The following LPCAT4 variants were observed in gnomAD, a reference collection of about 807,000 sequenced individuals.
The protein encoded by LPCAT4 is lysophosphatidylcholine acyltransferase 4.
A neutral mutation model predicts 66.5 loss-of-function variants in LPCAT4; 30 were observed. The observed-to-expected ratio is 0.45, with a 90% CI of 0.34 to 0.61. The LOEUF (loss-of-function observed/expected upper bound fraction) is 0.61. LPCAT4 is among the 20% of genes least tolerant of loss of function. The pLI, the probability that LPCAT4 is intolerant of heterozygous loss-of-function variation, is 0.01. For synonymous variants in LPCAT4, 253 were observed against 262.1 expected (o/e 0.97, Z 0.34); for missense variants, 557 against 656.7 (o/e 0.85, Z 1.66).
rs1465033664 is a variant in LPCAT4, at chr15:34,362,772, G to C, written c.801+10C>G. ...ATGTACTTCTCCCACCGCCCCCACG[G>C]GAGCCATACCTCCACATCCACAATG... On this transcript the variant is annotated intron_variant, in intron 8 of 13. Coordinates refer to ENST00000314891, the MANE Select transcript of LPCAT4 (RefSeq NM_153613.3). The C allele has an allele frequency of 1.2e-6, 2 of 1,614,108 alleles. No homozygotes were observed. The highest frequency in any genetic ancestry group is 1.7e-6 in the Non-Finnish European group (2 of 1,179,994).
intron 1 of LPCAT4, 75 bp from the exon 2 acceptor site, chr15:34,365,776 A>T: frequency 6.5e-7 from 1 of 1,541,036 alleles, no homozygotes; most frequent in East Asian, 2.3e-5. Flanking sequence ...TCCACAAAGC[A>T]TAGACCCAGG....
chr15:34,359,974 T>G (rs1890903477), intron 12 of LPCAT4, 137 bp downstream of exon 12: 1 of 844,474 alleles, frequency 1.2e-6, no homozygotes, highest in Non-Finnish European at 1.9e-6. Flanking sequence ...GTCTGCAGTT[T>G]TAGGCACTGT....
At position 34,364,996 on chromosome 15, in the gene LPCAT4, G is replaced by C. The variant is rs992134469; in HGVS notation, c.478+12C>G. 2 of 1,598,790 alleles carry C rather than the reference G, an allele frequency of 1.3e-6. No individual in the cohort carries two copies. Among genetic ancestry groups the C allele is most frequent in the Admixed American group, 1.7e-5 (1 of 59,476 alleles). On this transcript the variant is annotated intron_variant, in intron 3 of 13. Coordinates refer to ENST00000314891, the MANE Select transcript of LPCAT4 (RefSeq NM_153613.3). ...TGTCACCCTGCCCTTCACCCCCTTT[G>C]AACTCTCTCACCTCCAATGACAGGA...
In LPCAT4 at chr15:34,367,031, G is replaced by A; in HGVS notation, c.70C>T (p.Pro24Ser). 6.4e-7 allele frequency: 1 copy of A among 1,567,334 alleles called. No individual in the cohort carries two copies. Among genetic ancestry groups the A allele is most frequent in the Non-Finnish European group, 8.7e-7 (1 of 1,154,982 alleles). The change falls in exon 1 of 14, where the codon CCC becomes TCC. Residue 24 changes from proline (P) to serine (S), a missense_variant. Pro to Ser is a moderately conservative substitution (Grantham distance 74). This residue lies in a region of LPCAT4 where 94 missense variants were observed against 71.5 expected (regional missense o/e 1.32). Transcript: ENST00000314891. Reference sequence around the variant, plus strand: ...GAGAGATGTAACTCATGCACGAAGGGGTTGGGGGATGCTGGGGGTCCGGGG... The same window carrying A: ...GAGAGATGTAACTCATGCACGAAGGAGTTGGGGGATGCTGGGGGTCCGGGG... Reference protein sequence around the residue: ...PTPGPPASPNPFVHELHLSRL... With the variant: ...PTPGPPASPNSFVHELHLSRL...
Position 34,363,940 on chromosome 15 carries a change from T to C in LPCAT4, c.652+73A>G. 6.7e-7 allele frequency: 1 copy of C among 1,501,622 alleles called. No individual in the cohort carries two copies. Among genetic ancestry groups the C allele is most frequent in the African/African-American group, 1.4e-5 (1 of 72,456 alleles). The allele number at this position is 1,501,622 out of a possible 1,614,324, so 93.0% of individuals were successfully genotyped here. A position where few individuals can be genotyped will look rare whatever the true frequency, so the allele number is the denominator to read the frequency against. On this transcript the variant is annotated intron_variant, in intron 5 of 13. Coordinates refer to ENST00000314891, the MANE Select transcript of LPCAT4 (RefSeq NM_153613.3). The surrounding 1 kb of genome is among the most constrained non-coding windows in gnomAD (Gnocchi z 4.3). The stretch of plus-strand genomic sequence containing the variant: ...CCCTCCCCCTCTTCTACTTCTTGGG[T>C]TATTTCAGAGTCCCTCCCCAAATCT...
chr15:34,364,413 T>C (rs79809354), intron 3 of LPCAT4, 107 bp from the exon 4 acceptor site: 27 of 293,402 alleles, frequency 9.2e-5, no homozygotes, highest in Middle Eastern at 9.1e-4. Context: ...TGTTATCTCT[T>C]TTTTTTTTTT....
intron 1 of LPCAT4, among the ~76,000 whole-genome samples, chr15:34,366,500 GA>G (rs1365077670): frequency 1.3e-5 from 2 of 152,068 alleles, no homozygotes; most frequent in African/African-American, 4.8e-5. Flanking sequence ...GTGCGGGGTG[GA>G]GGGGGGTTGG....
At chr15:34,366,106 C>G in intron 1 of LPCAT4, 1 of 169,240 alleles carries the variant, frequency 5.9e-6, no homozygotes, top group South Asian at 1.4e-4. Context: ...CAACAGAAAC[C>G]AGGTGCACAG....
Position 34,364,092 on chromosome 15 carries a change from G to C in LPCAT4, c.592-19C>G, listed in dbSNP as rs758768273. On this transcript the variant is annotated intron_variant, in intron 4 of 13. Coordinates refer to ENST00000314891, the MANE Select transcript of LPCAT4 (RefSeq NM_153613.3). ...ATAGCACCTGGGGTAAAAAAGAGCA[G>C]AATGAGGTGAAGAAGACTGAAGAAG... 1 of 1,610,902 alleles carries C rather than the reference G, an allele frequency of 6.2e-7. No individual in the cohort carries two copies. Among genetic ancestry groups the C allele is most frequent in the Admixed American group, 1.7e-5 (1 of 59,998 alleles).
At chr15:34,362,897 C>A in intron 7 of LPCAT4, 61 bp from the exon 8 acceptor site, 2 of 1,532,278 alleles carry the variant, frequency 1.3e-6, no homozygotes, top group Non-Finnish European at 1.8e-6. Flanking sequence ...TCCCTGGCTC[C>A]CACACCCCAC....
At position 34,360,111 on chromosome 15, in the gene LPCAT4, C is replaced by T. The variant is rs760530559; in HGVS notation, c.1242G>A (p.Glu414=). The T allele has an allele frequency of 3.7e-6, 6 of 1,611,706 alleles. No homozygotes were observed. In the Admixed American group the frequency reaches 8.3e-5, roughly 22 times the overall value. Residue 414 remains glutamate, a splice_region_variant and synonymous_variant, in exon 12 of 14, where the codon GAG becomes GAA. Transcript: ENST00000314891. ...CCCCACCACCGCCACCCCCCATTAC[C>T]TCAAAGGCCAGACGAGTTAGCTCTT... ...SLEELTRLAF[E]LFAEEQAEGP...
rs1891000624 is a variant in LPCAT4 at position 34,363,597 on chromosome 15, A to T, written c.711+64T>A. On this transcript the variant is annotated intron_variant, in intron 6 of 13. Transcript: ENST00000314891. This position sits in a 1 kb window ranked among gnomAD's most constrained non-coding sequence, Gnocchi z 4.3. ...TCCCATTAAAGCACCAACAGTTTTC[A>T]CTTATTTCCATTTGGGGTGGATTTG... The T allele has an allele frequency of 2.5e-6, 4 of 1,605,902 alleles. No homozygotes were observed. In the East Asian group the frequency reaches 8.9e-5, roughly 36 times the overall value.
Position 34,363,983 on chromosome 15 carries a change from C to T in LPCAT4, c.652+30G>A. On this transcript the variant is annotated intron_variant, in intron 5 of 13. Transcript: ENST00000314891. The surrounding 1 kb of genome is among the most constrained non-coding windows in gnomAD (Gnocchi z 4.3). ...CCAAATCTGGAACTTCTTTTTCCTACAGCCCACCACCCACTATCATTTTAT... is the reference window on the plus strand; with the variant it reads ...CCAAATCTGGAACTTCTTTTTCCTATAGCCCACCACCCACTATCATTTTAT... The T allele has an allele frequency of 6.3e-7, 1 of 1,597,344 alleles. No individual in the cohort carries two copies. Among genetic ancestry groups the T allele is most frequent in the Non-Finnish European group, 8.6e-7 (1 of 1,167,122 alleles).
In LPCAT4 at chr15:34,363,473, G is replaced by A. The variant is rs1186695272; in HGVS notation, c.712-17C>T. 1 of 1,614,096 alleles carries A rather than the reference G, an allele frequency of 6.2e-7. No homozygotes were observed. Among genetic ancestry groups the A allele is most frequent in the Non-Finnish European group, 8.5e-7 (1 of 1,179,996 alleles). On this transcript the variant is annotated splice_polypyrimidine_tract_variant and intron_variant, in intron 6 of 13. Coordinates refer to ENST00000314891, the MANE Select transcript of LPCAT4 (RefSeq NM_153613.3). The surrounding 1 kb of genome is among the most constrained non-coding windows in gnomAD (Gnocchi z 4.3). ...GGTGGTGTCCTATGGGAGAAACACA[G>A]GTGAGGGCATAAGAGCATTACTTTT... is the stretch of plus-strand genomic sequence containing the variant.
In LPCAT4 at chr15:34,363,011, A is replaced by T; in HGVS notation, c.747-175T>A. On this transcript the variant is annotated intron_variant, in intron 7 of 13. Transcript: ENST00000314891. This position sits in a 1 kb window ranked among gnomAD's most constrained non-coding sequence, Gnocchi z 4.3. ...AGGTGGGTGAATATGCAGTTGGGAG[A>T]CACAAGGAACGGCCAGAAACGCGGT... 6.0e-6 allele frequency: 4 copies of T among 669,852 alleles called. No homozygotes were observed. The South Asian group carries it at 7.0e-5, about 12-fold the overall frequency. 41.5% of individuals were successfully genotyped at this position (669,852 alleles called of 1,614,324 possible).
intron 1 of LPCAT4, among the ~76,000 whole-genome samples, chr15:34,366,467 T>C (rs1878240085): frequency 6.6e-6 from 1 of 152,002 alleles, no homozygotes; most frequent in South Asian, 2.1e-4. Context: ...TCAGCCTCCC[T>C]GCCCCCACCG....
In LPCAT4 at chr15:34,359,635, C is replaced by G. The variant is rs954952334; in HGVS notation, c.1353G>C (p.Leu451Phe). ...LGSPHPAATA[L>F]HAELCQAGSS... ...ATCCTGCCTGGCACAGCTCAGCATG[C>G]AAAGCTGTGGCAGCAGGGTGGGGTG... Residue 451 changes from leucine to phenylalanine, a missense_variant, in exon 13 of 14, where the codon TTG becomes TTC. Physicochemically the swap from Leu to Phe is conservative, Grantham distance 22 (BLOSUM62 0). Coordinates refer to ENST00000314891, the MANE Select transcript of LPCAT4 (RefSeq NM_153613.3). The G allele has an allele frequency of 9.3e-6, 15 of 1,613,432 alleles. No homozygotes were observed. The highest frequency in any genetic ancestry group is 1.3e-5 in the Non-Finnish European group (15 of 1,180,028).
Position 34,364,241 on chromosome 15 carries a change from C to T in LPCAT4, c.544G>A (p.Val182Met). 6.2e-7 allele frequency: 1 copy of T among 1,614,094 alleles called. No individual in the cohort carries two copies. The highest frequency in any genetic ancestry group is 8.5e-7 in the Non-Finnish European group (1 of 1,179,952). ...RHDPASRRRVVEEVRRRATSG... is the reference protein window; with the variant it reads ...RHDPASRRRVMEEVRRRATSG... Reference sequence around the variant, plus strand: ...GTGGCCCGCCTTCGGACCTCCTCCACCACTCTGCGTCGAGAAGCCGGGTCA... The same window carrying T: ...GTGGCCCGCCTTCGGACCTCCTCCATCACTCTGCGTCGAGAAGCCGGGTCA... The change falls in exon 4 of 14, where the codon GTG becomes ATG. Residue 182 changes from valine to methionine, a missense_variant. Coordinates refer to ENST00000314891, the MANE Select transcript of LPCAT4 (RefSeq NM_153613.3).
In LPCAT4 at chr15:34,362,338, G is replaced by C. The variant is rs377215789; in HGVS notation, c.885-17C>G. The C allele has an allele frequency of 3.1e-6, 5 of 1,613,848 alleles. No individual in the cohort carries two copies. Among genetic ancestry groups the C allele is most frequent in the Non-Finnish European group, 4.2e-6 (5 of 1,179,944 alleles). ...CCCAGAGCCCTACAGGATGAAGAGG[G>C]ATGGGATGGAGGGTAAGGAAGCAGA... On this transcript the variant is annotated splice_polypyrimidine_tract_variant and intron_variant, in intron 9 of 13. Coordinates refer to ENST00000314891, the MANE Select transcript of LPCAT4 (RefSeq NM_153613.3).
Sources: gnomAD v4.1 joint callset for allele counts (sites outside exome capture counted in the v4.1 genomes callset) on GRCh38, gnomAD v4.1.1 for gene constraint, gnomAD v4.1.1 regional missense constraint, Gnocchi (gnomAD v3.1) non-coding constraint, MANE v1.5 for transcripts, NCBI Gene and HGNC (gene_info 2026-07-23, HGNC 2026-07-21) for gene names.